PWWP2A: variants seen among roughly 807,000 people sequenced by gnomAD.
PWWP2A encodes the protein PWWP domain containing 2A.
A neutral mutation model predicts 48.5 loss-of-function variants in PWWP2A; 18 were observed. That is an observed-to-expected ratio of 0.37 (90% CI 0.26 to 0.55). The LOEUF is 0.55. PWWP2A is among the 20% of genes least tolerant of loss of function. The pLI is 0.81. For synonymous variants in PWWP2A, 396 were observed against 387.7 expected (o/e 1.02, Z -0.25); for missense variants, 867 against 976.4 (o/e 0.89, Z 1.49).
chr5:160,049,434 T>C, the PWWP2A span: 1 of 1,272,674 alleles, frequency 7.9e-7, no homozygotes, highest in Non-Finnish European at 1.1e-6. Context: ...TGGAGGATGA[T>C]TGATGAAGGA....
chr5:160,114,336 C>T (rs763497988), intron 1 of PWWP2A, among the ~76,000 whole-genome samples: 11 of 151,932 alleles, frequency 7.2e-5, no homozygotes, highest in African/African-American at 2.2e-4. Flanking sequence ...GTTCAAGATG[C>T]GCCTGGCCAA....
At chr5:160,064,875 A>G (rs1753552856) in intron 4 of PWWP2A, 1 of 1,553,718 alleles carries the variant, frequency 6.4e-7, no homozygotes. Context: ...ATTAATTGGT[A>G]CCTTCCTGCT....
downstream of PWWP2A, among the ~76,000 whole-genome samples, chr5:160,058,478 T>TC (rs1248785146): frequency 2.7e-5 from 4 of 150,568 alleles, no homozygotes; most frequent in African/African-American, 9.8e-5. Flanking sequence ...TGGTGCGATC[T>TC]CGGCTCAGTG....
At chr5:160,044,502 TCCCTC>T in the PWWP2A span, among the ~76,000 whole-genome samples, 1 of 152,144 alleles carries the variant, frequency 6.6e-6, no homozygotes, top group Non-Finnish European at 1.5e-5. Flanking sequence ...GAACTGAGGG[TCCCTC>T]CCCTTTTTAG....
chr5:160,110,917 G>A (rs945853282), intron 1 of PWWP2A, among the ~76,000 whole-genome samples: 2 of 143,206 alleles, frequency 1.4e-5, no homozygotes, highest in Non-Finnish European at 3.0e-5. Context: ...TGTACTCCCA[G>A]CTACTCAGGA....
At position 160,085,422 on chromosome 5, in the gene PWWP2A, G is replaced by A. The variant is rs142030885; in HGVS notation, c.1550-4652C>T. Among the ~76,000 whole-genome samples, 1,189 of 151,890 alleles carry A rather than the reference G, an allele frequency of 7.8e-3. 7 individuals are homozygous for A. Among genetic ancestry groups the A allele is most frequent in the Non-Finnish European group, 0.012 (794 of 67,992 alleles). On this transcript the variant is annotated intron_variant, in intron 2 of 3. Transcript: ENST00000456329. ...CTTGTAGATATTGACAACCAGGATA[G>A]AAAAAGTTATGAGAAGTTTTAATGA...
chr5:160,052,553 A>AAAC, the PWWP2A span, among the ~76,000 whole-genome samples: 1 of 130,704 alleles, frequency 7.7e-6, no homozygotes, highest in Non-Finnish European at 1.7e-5. Flanking sequence ...TTTAGCAAAA[A>AAAC]AAAAAAAAAA....
At position 160,091,579 on chromosome 5, in the gene PWWP2A, A is replaced by C; in HGVS notation, c.*803T>G. On this transcript the variant is annotated 3_prime_UTR_variant, in exon 2 of 2. Coordinates refer to ENST00000307063, the MANE Select transcript of PWWP2A (RefSeq NM_001130864.2). The stretch of plus-strand genomic sequence containing the variant: ...ATATCCTAAGAATTTAGGAACAGCC[A>C]GTCAGGAGAAATCTGACCAAATTTA... 1.0e-6 allele frequency: 1 copy of C among 982,492 alleles called. No homozygotes were observed. 60.9% of individuals were successfully genotyped at this position (982,492 alleles called of 1,614,324 possible).
At chr5:160,067,183 T>C (rs1056420585) in intron 2 of PWWP2A, among the ~76,000 whole-genome samples, 77 of 152,224 alleles carry the variant, frequency 5.1e-4, no homozygotes, top group Non-Finnish European at 7.3e-5. Flanking sequence ...ACATCTCTTA[T>C]ATTCAGTTTG....
intron 2 of PWWP2A, among the ~76,000 whole-genome samples, chr5:160,067,157 G>A (rs1753631781): frequency 6.6e-6 from 1 of 152,118 alleles, no homozygotes; most frequent in South Asian, 2.1e-4. Context: ...GCTTGATAGA[G>A]AACAGCAAGA....
At position 160,093,292 on chromosome 5, in the gene PWWP2A, T is replaced by C. The variant is rs758574301; in HGVS notation, c.1358A>G (p.His453Arg). 18 of 1,614,030 alleles carry C rather than the reference T, an allele frequency of 1.1e-5. No individual in the cohort carries two copies. In the South Asian group the frequency reaches 1.4e-4, roughly 13 times the overall value. Reference protein sequence around the residue: ...QNETSTSKNAHSKVHFTRRYQ... With the variant: ...QNETSTSKNARSKVHFTRRYQ... ...TCGACGTGTGAAATGGACTTTTGAA[T>C]GTGCATTTTTGGAAGTAGAGGTTTC... The change falls in exon 2 of 2, where the codon CAT becomes CGT. Residue 453 changes from histidine (H) to arginine (R), a missense_variant. Physicochemically the swap from His to Arg is conservative, Grantham distance 29. Transcript: ENST00000307063. This position sits in a 1 kb window ranked among gnomAD's most constrained non-coding sequence, Gnocchi z 5.8.
the PWWP2A span, chr5:160,051,219 G>A: frequency 6.4e-7 from 1 of 1,562,638 alleles, no homozygotes; most frequent in South Asian, 1.1e-5. Context: ...ATCATAAACA[G>A]CTAGGAACCT....
chr5:160,089,600 G>A (rs1186515276), downstream of PWWP2A: 2 of 1,288,542 alleles, frequency 1.6e-6, no homozygotes, highest in South Asian at 2.5e-5. Flanking sequence ...CAGCTTCCTG[G>A]TCTATAAATT....
At chr5:160,051,683 A>G in the PWWP2A span, among the ~76,000 whole-genome samples, 1 of 152,170 alleles carries the variant, frequency 6.6e-6, no homozygotes, top group African/African-American at 2.4e-5. Flanking sequence ...GGGTAGGGGT[A>G]GGGCAAATGG....
At chr5:160,108,757 T>G (rs150821942) in intron 1 of PWWP2A, 5 of 403,054 alleles carry the variant, frequency 1.2e-5, no homozygotes, top group African/African-American at 6.2e-5. Flanking sequence ...AGTACCCCCA[T>G]GTACACACAC....
chr5:160,086,311 G>A (rs572195212), intron 2 of PWWP2A, among the ~76,000 whole-genome samples: 1 of 148,656 alleles, frequency 6.7e-6, no homozygotes. Context: ...TTGAGCCCAG[G>A]AGTTCAAGAC....
intron 4 of PWWP2A, among the ~76,000 whole-genome samples, chr5:160,064,248 C>A (rs1007565471): frequency 6.6e-6 from 1 of 152,144 alleles, no homozygotes; most frequent in African/African-American, 2.4e-5. Context: ...GGATTACAGG[C>A]GTGAGCCACC....
At chr5:160,061,868 G>C (rs1032759311) in exon 6 of PWWP2A, 3 of 152,364 alleles carry the variant, frequency 2.0e-5, no homozygotes, top group Non-Finnish European at 4.4e-5. Context: ...GCTGGAGGCT[G>C]TTGGCAGAGT....
downstream of PWWP2A, among the ~76,000 whole-genome samples, chr5:160,061,353 C>T (rs1183712853): frequency 6.6e-6 from 1 of 151,612 alleles, no homozygotes; most frequent in South Asian, 2.1e-4. Context: ...CCCTTCCTGA[C>T]TCTCGTAGCA....
Sources: gnomAD v4.1 joint callset for allele counts (sites outside exome capture counted in the v4.1 genomes callset) on GRCh38, gnomAD v4.1.1 for gene constraint, Gnocchi (gnomAD v3.1) non-coding constraint, MANE v1.5 for transcripts, NCBI Gene and HGNC (gene_info 2026-07-23, HGNC 2026-07-21) for gene names.